Variants in CHCHD6 observed in about 807,000 individuals in gnomAD.
The protein encoded by CHCHD6 is MICOS complex subunit MIC25.
A neutral mutation model predicts 32.3 loss-of-function variants in CHCHD6; 28 were observed. That is an observed-to-expected ratio of 0.87 (90% CI 0.64 to 1.19). The LOEUF (loss-of-function observed/expected upper bound fraction) is 1.19, where lower values mean the gene tolerates loss of function less well. CHCHD6 is among the 50% of genes most tolerant of loss of function. CHCHD6 has a pLI of 0.00. For missense variants in CHCHD6, 333 were observed against 307.0 expected (o/e 1.08, Z -0.63); for synonymous variants, 122 against 117.5 (o/e 1.04, Z -0.25).
intron 4 of CHCHD6, among the ~76,000 whole-genome samples, chr3:126,784,823 G>T (rs1938121210): frequency 1.3e-5 from 2 of 152,100 alleles, no homozygotes; most frequent in Admixed American, 1.3e-4. Context: ...ACTGGATTTT[G>T]AGAGGTTTTT....
chr3:126,809,594 G>A (rs868510032), intron 4 of CHCHD6, among the ~76,000 whole-genome samples: 1 of 152,202 alleles, frequency 6.6e-6, no homozygotes, highest in Non-Finnish European at 1.5e-5. Context: ...GTCCGCTCTT[G>A]TGCTGCTGTT....
At chr3:126,934,536 C>CTT (rs386397861) in intron 6 of CHCHD6, among the ~76,000 whole-genome samples, 752 of 58,228 alleles carry the variant, frequency 0.013, 186 homozygotes, top group African/African-American at 0.045. Flanking sequence ...CCCCTCTCTG[C>CTT]TTTTTTTTTT....
intron 4 of CHCHD6, among the ~76,000 whole-genome samples, chr3:126,770,302 CCTGTTTGGATG>C (rs1469445239): frequency 2.6e-5 from 4 of 152,112 alleles, no homozygotes; most frequent in African/African-American, 9.7e-5. Flanking sequence ...TTCCTCTTTT[CCTGTTTGGATG>C]CTGTTTATTC....
chr3:126,892,206 G>T (rs929617289), intron 5 of CHCHD6, among the ~76,000 whole-genome samples: 5 of 152,196 alleles, frequency 3.3e-5, no homozygotes, highest in Admixed American at 3.3e-4. Context: ...GGCGGGCTCA[G>T]CTCCAACACT....
chr3:126,952,743 A>AG (rs1476988980), intron 6 of CHCHD6, among the ~76,000 whole-genome samples: 1 of 152,116 alleles, frequency 6.6e-6, no homozygotes. Flanking sequence ...TTTTGGATGG[A>AG]GTGCGGGGAA....
intron 5 of CHCHD6, among the ~76,000 whole-genome samples, chr3:126,856,224 A>G (rs1453278904): frequency 6.6e-6 from 1 of 152,212 alleles, no homozygotes; most frequent in East Asian, 1.9e-4. Flanking sequence ...CCTGGGCTGC[A>G]TGCAGCCCCT....
chr3:126,813,566 CACAA>C (rs1474835793), intron 4 of CHCHD6, among the ~76,000 whole-genome samples: 1 of 152,212 alleles, frequency 6.6e-6, no homozygotes, highest in Non-Finnish European at 1.5e-5. Context: ...CTTGAGTCAT[CACAA>C]ACACAATTTG....
intron 5 of CHCHD6, among the ~76,000 whole-genome samples, 168 bp from the exon 6 acceptor site, chr3:126,914,512 A>C (rs1248395303): frequency 6.6e-6 from 1 of 152,250 alleles, no homozygotes; most frequent in Non-Finnish European, 1.5e-5. Flanking sequence ...ATTCTGTAGC[A>C]GCAGCCATGC....
At chr3:126,938,257 G>A (rs532348110) in intron 6 of CHCHD6, among the ~76,000 whole-genome samples, 7 of 152,214 alleles carry the variant, frequency 4.6e-5, no homozygotes, top group Admixed American at 1.3e-4. Context: ...CTCTGGCACC[G>A]TAGCCAGAGC....
At chr3:126,715,998 A>G (rs913411828) in intron 1 of CHCHD6, among the ~76,000 whole-genome samples, 6 of 152,062 alleles carry the variant, frequency 3.9e-5, no homozygotes, top group Non-Finnish European at 7.4e-5. Context: ...TCACTGCTTC[A>G]GTTGTCACAC....
chr3:126,730,077 TG>T (rs1935719900), intron 2 of CHCHD6, among the ~76,000 whole-genome samples: 2 of 152,170 alleles, frequency 1.3e-5, no homozygotes, highest in South Asian at 4.1e-4. Context: ...AGGTTTAATA[TG>T]GGGCATTTGC....
chr3:126,733,264 A>G (rs1380106988), intron 4 of CHCHD6, 42 bp downstream of exon 4: 20 of 1,586,784 alleles, frequency 1.3e-5, no homozygotes, highest in Non-Finnish European at 1.7e-5. Context: ...TGAGCTGGGC[A>G]GCACCCTGGG....
chr3:126,928,374 C>G (rs2078354752), intron 6 of CHCHD6, among the ~76,000 whole-genome samples: 1 of 152,228 alleles, frequency 6.6e-6, no homozygotes, highest in African/African-American at 2.4e-5. Flanking sequence ...ACATTCAGGG[C>G]TGGTTGGGGT....
At chr3:126,790,696 A>G (rs964204842) in intron 4 of CHCHD6, among the ~76,000 whole-genome samples, 25 of 151,988 alleles carry the variant, frequency 1.6e-4, no homozygotes, top group Non-Finnish European at 5.9e-5. Context: ...GGCCTTCTCT[A>G]CATTGGTTAT....
intron 6 of CHCHD6, among the ~76,000 whole-genome samples, chr3:126,916,766 G>A (rs1326795724): frequency 6.6e-6 from 1 of 152,274 alleles, no homozygotes; most frequent in Non-Finnish European, 1.5e-5. Flanking sequence ...AAGGAGAGCT[G>A]TGGTGGCAGC....
intron 2 of CHCHD6, 104 bp downstream of exon 2, chr3:126,727,290 C>G (rs1286737465): frequency 1.4e-6 from 1 of 726,844 alleles, no homozygotes; most frequent in African/African-American, 1.8e-5. Context: ...AGGTTGGCTT[C>G]TGGATGACGT....
chr3:126,857,249 C>G (rs1211292723), intron 5 of CHCHD6, among the ~76,000 whole-genome samples: 1 of 152,110 alleles, frequency 6.6e-6, no homozygotes, highest in African/African-American at 2.4e-5. Flanking sequence ...TAGAGGACCT[C>G]CCAGCTCTGT....
intron 4 of CHCHD6, among the ~76,000 whole-genome samples, chr3:126,796,908 G>T (rs1224429302): frequency 6.6e-6 from 1 of 152,190 alleles, no homozygotes. Flanking sequence ...GGGAAGCCTT[G>T]GGTACAGGGC....
At chr3:126,750,816 T>G (rs774937312) in intron 4 of CHCHD6, among the ~76,000 whole-genome samples, 15 of 152,190 alleles carry the variant, frequency 9.9e-5, no homozygotes, top group Non-Finnish European at 1.9e-4. Flanking sequence ...AAATGGAAAG[T>G]TTTTCTAACA....
Sources: allele counts gnomAD v4.1 joint callset (sites outside exome capture counted in the v4.1 genomes callset), GRCh38; gene constraint gnomAD v4.1.1; transcripts MANE v1.5; gene names NCBI Gene and HGNC (gene_info 2026-07-23, HGNC 2026-07-21).